The following NTM variants were observed in gnomAD, a reference collection of about 807,000 sequenced individuals.
NTM encodes neurotrimin, also known as IgLON family member 2.
A neutral mutation model predicts 42.1 loss-of-function variants in NTM; 13 were observed. The ratio of observed to expected loss-of-function variants is 0.31; its 90% CI spans 0.20 to 0.49. NTM has a LOEUF of 0.49. Among genes scored for constraint, NTM ranks in the 20% least tolerant of loss-of-function variants. The pLI, the probability that NTM is intolerant of heterozygous loss-of-function variation, is 0.99. For missense variants in NTM, 373 were observed against 452.8 expected (o/e 0.82, Z 1.60); for synonymous variants, 187 against 179.2 (o/e 1.04, Z -0.35).
chr11:132,054,102 C>A (rs1189443674), intron 2 of NTM, among the ~76,000 whole-genome samples: 1 of 152,220 alleles, frequency 6.6e-6, no homozygotes, highest in African/African-American at 2.4e-5. Flanking sequence ...ATAGTCCCAG[C>A]TACTCCAGAG....
At position 132,265,027 on chromosome 11, in the gene NTM, C is replaced by T. The variant is rs568375601; in HGVS notation, c.527-42662C>T. ...GAATTTGGGGATGAAGGTTCCACCA[C>T]ATGGAATTTGAAGGACACATTCAAA... On this transcript the variant is annotated intron_variant, in intron 4 of 8. Transcript: ENST00000683400. Among the ~76,000 whole-genome samples, 8 of 152,322 alleles carry T rather than the reference C, an allele frequency of 5.3e-5. No individual in the cohort carries two copies. In the East Asian group the frequency reaches 5.8e-4, roughly 11 times the overall value.
At chr11:131,797,865 A>G (rs903329899) in intron 1 of NTM, among the ~76,000 whole-genome samples, 3 of 152,296 alleles carry the variant, frequency 2.0e-5, no homozygotes, top group Admixed American at 6.5e-5. Flanking sequence ...TAAAACTACA[A>G]TGGCCCCCTC....
At chr11:131,622,116 G>T (rs563655332) in intron 1 of NTM, among the ~76,000 whole-genome samples, 2 of 152,118 alleles carry the variant, frequency 1.3e-5, no homozygotes, top group Non-Finnish European at 2.9e-5. Flanking sequence ...TGGGAGGATG[G>T]GGGGGACCAT....
intron 3 of NTM, among the ~76,000 whole-genome samples, chr11:132,210,046 A>G (rs950945340): frequency 1.3e-5 from 2 of 152,226 alleles, no homozygotes; most frequent in African/African-American, 4.8e-5. Context: ...GACCAGCATT[A>G]AAATTTGCAA....
chr11:131,496,044 G>C (rs1376257827), intron 1 of NTM, among the ~76,000 whole-genome samples: 3 of 152,178 alleles, frequency 2.0e-5, no homozygotes, highest in Non-Finnish European at 2.9e-5. Flanking sequence ...TAGGATTGAA[G>C]GAAAGATGAC....
chr11:131,687,191 C>T (rs2073996101), intron 1 of NTM, among the ~76,000 whole-genome samples: 1 of 152,196 alleles, frequency 6.6e-6, no homozygotes, highest in African/African-American at 2.4e-5. Flanking sequence ...TCACTAACCC[C>T]ATGTTCCAGG....
intron 2 of NTM, among the ~76,000 whole-genome samples, chr11:131,947,817 A>G (rs1464557818): frequency 6.6e-6 from 1 of 152,138 alleles, no homozygotes; most frequent in East Asian, 1.9e-4. Flanking sequence ...TGATTAGTTT[A>G]ATTTACTTAA....
intron 1 of NTM, among the ~76,000 whole-genome samples, chr11:131,854,910 T>G (rs920871726): frequency 2.0e-5 from 3 of 152,140 alleles, no homozygotes; most frequent in African/African-American, 7.2e-5. Context: ...TTGTTCAAAC[T>G]GCTTAGCAAA....
chr11:131,419,696 G>A (rs1163321105), intron 1 of NTM, among the ~76,000 whole-genome samples: 1 of 152,184 alleles, frequency 6.6e-6, no homozygotes, highest in Non-Finnish European at 1.5e-5. Flanking sequence ...AATAAAAAGT[G>A]GGATTTTATT....
chr11:132,159,314 A>G (rs910225678), intron 3 of NTM, among the ~76,000 whole-genome samples: 8 of 152,184 alleles, frequency 5.3e-5, no homozygotes, highest in Non-Finnish European at 1.0e-4. Flanking sequence ...TCCTATTCCT[A>G]AGAGACGCGT....
At chr11:132,239,807 T>A (rs531165613) in intron 4 of NTM, among the ~76,000 whole-genome samples, 1 of 152,362 alleles carries the variant, frequency 6.6e-6, no homozygotes, top group African/African-American at 2.4e-5. Context: ...TAATAATTCT[T>A]CTTTTCAAAT....
At chr11:131,403,409 T>C (rs1945462150) in intron 1 of NTM, among the ~76,000 whole-genome samples, 1 of 152,178 alleles carries the variant, frequency 6.6e-6, no homozygotes, top group South Asian at 2.1e-4. Flanking sequence ...TCTCTTTCCT[T>C]CTATTGTATT....
intron 1 of NTM, among the ~76,000 whole-genome samples, chr11:131,449,644 G>A (rs543864425): frequency 4.6e-5 from 7 of 152,250 alleles, no homozygotes; most frequent in South Asian, 4.1e-4. Flanking sequence ...TAATTCCTCC[G>A]TGCTCTCTCT....
intron 2 of NTM, among the ~76,000 whole-genome samples, chr11:132,063,329 C>T (rs2080970389): frequency 6.6e-6 from 1 of 152,102 alleles, no homozygotes; most frequent in Admixed American, 6.6e-5. Flanking sequence ...ATAGCAAAGT[C>T]AGATTAACGG....
In NTM at chr11:131,543,026, A is replaced by G. The variant is rs576068021; in HGVS notation, c.82+172138A>G. On this transcript the variant is annotated intron_variant, in intron 1 of 8. Coordinates refer to ENST00000683400, the MANE Select transcript of NTM (RefSeq NM_001352005.2). ...TCCTCTGGACGCCTTCCTTGCCCAC[A>G]TGGTTGCCAGTTACGCTGCCTCCCA... Among the ~76,000 whole-genome samples the G allele has an allele frequency of 1.2e-3, 186 of 152,202 alleles. 7 individuals carry two copies. The highest frequency in any genetic ancestry group is 3.7e-4 in the Non-Finnish European group (25 of 68,004).
intron 4 of NTM, among the ~76,000 whole-genome samples, chr11:132,277,017 C>G (rs2093752905): frequency 6.6e-6 from 1 of 152,134 alleles, no homozygotes; most frequent in Non-Finnish European, 1.5e-5. Context: ...CATTTTGTGA[C>G]TTCACAACAT....
At chr11:132,322,829 A>C (rs1360314619) in intron 7 of NTM, among the ~76,000 whole-genome samples, 4 of 147,500 alleles carry the variant, frequency 2.7e-5, no homozygotes, top group East Asian at 2.0e-4. Flanking sequence ...AACAAACTAT[A>C]TCTCAGACCA....
In NTM at chr11:132,003,443, C is replaced by T. The variant is rs887491748; in HGVS notation, c.167+91795C>T. On this transcript the variant is annotated intron_variant, in intron 2 of 8. Coordinates refer to ENST00000683400, the MANE Select transcript of NTM (RefSeq NM_001352005.2). The surrounding 1 kb of genome is among the most constrained non-coding windows in gnomAD (Gnocchi z 6.0). ...AAATTTTATGTAGAGACAGACTGTCCTTATATTTCCCAGGCTGCTCTTGAG... is the reference window on the plus strand; with the variant it reads ...AAATTTTATGTAGAGACAGACTGTCTTTATATTTCCCAGGCTGCTCTTGAG... Among the ~76,000 whole-genome samples, 26 of 151,968 alleles carry T rather than the reference C, an allele frequency of 1.7e-4. No individual in the cohort carries two copies. Among genetic ancestry groups the T allele is most frequent in the African/African-American group, 6.3e-4 (26 of 41,364 alleles).
chr11:131,414,051 G>A (rs147270083), intron 1 of NTM, among the ~76,000 whole-genome samples: 14 of 152,234 alleles, frequency 9.2e-5, no homozygotes, highest in African/African-American at 2.4e-4. Context: ...TCAATTCATC[G>A]GCCTTACCTG....
Sources: allele counts gnomAD v4.1 joint callset (sites outside exome capture counted in the v4.1 genomes callset), GRCh38; gene constraint gnomAD v4.1.1; non-coding constraint Gnocchi (gnomAD v3.1); transcripts MANE v1.5; gene names NCBI Gene and HGNC (gene_info 2026-07-23, HGNC 2026-07-21).